RAD51B: variants seen among roughly 807,000 people sequenced by gnomAD.
RAD51B encodes RAD51 paralog B, also known as DNA repair protein RAD51 homolog 2.
RAD51B carries 38 observed loss-of-function variants against 42.2 expected under a neutral mutation model. The observed-to-expected ratio is 0.90, with a 90% CI of 0.70 to 1.18. The LOEUF (loss-of-function observed/expected upper bound fraction) is 1.18. Ranked by LOEUF, RAD51B falls within the 50% of genes most tolerant of loss-of-function variation. The probability of loss-of-function intolerance (pLI) is 0.00; values close to 1 mark genes in which losing one functional copy is unlikely to be tolerated. For synonymous variants in RAD51B, 154 were observed against 145.2 expected (o/e 1.06, Z -0.43); for missense variants, 373 against 400.7 (o/e 0.93, Z 0.59).
chr14:68,417,944 C>T (rs2140099338), intron 9 of RAD51B, among the ~76,000 whole-genome samples: 1 of 152,266 alleles, frequency 6.6e-6, no homozygotes, highest in South Asian at 2.1e-4. Flanking sequence ...GATGAAGGGT[C>T]CCCTTTCCCA....
intron 10 of RAD51B, among the ~76,000 whole-genome samples, chr14:68,509,552 C>G (rs1195772103): frequency 6.6e-6 from 1 of 152,188 alleles, no homozygotes; most frequent in African/African-American, 2.4e-5. Flanking sequence ...AAGATACTTT[C>G]CTGAAGAATG....
intron 10 of RAD51B, among the ~76,000 whole-genome samples, chr14:68,631,557 C>T (rs1325452245): frequency 6.6e-6 from 1 of 152,152 alleles, no homozygotes; most frequent in Non-Finnish European, 1.5e-5. Flanking sequence ...GCCCTCATGC[C>T]ACAAGGTTTT....
At chr14:68,057,113 A>G (rs2076489589) in intron 7 of RAD51B, among the ~76,000 whole-genome samples, 1 of 151,860 alleles carries the variant, frequency 6.6e-6, no homozygotes, top group Non-Finnish European at 1.5e-5. Context: ...ACAAAGGAAG[A>G]AGGAAATATT....
At chr14:68,029,245 C>T (rs370581672) in intron 7 of RAD51B, among the ~76,000 whole-genome samples, 2 of 152,192 alleles carry the variant, frequency 1.3e-5, no homozygotes, top group African/African-American at 4.8e-5. Context: ...TTTGGTCTCT[C>T]TTGTGGGGAG....
chr14:68,080,175 T>C (rs748576409), intron 7 of RAD51B, among the ~76,000 whole-genome samples: 1 of 152,200 alleles, frequency 6.6e-6, no homozygotes, highest in Non-Finnish European at 1.5e-5. Context: ...TGTCTTGATT[T>C]TCCCATTTGC....
chr14:68,083,348 T>C (rs1394978061), intron 7 of RAD51B, among the ~76,000 whole-genome samples: 3 of 152,192 alleles, frequency 2.0e-5, no homozygotes, highest in Non-Finnish European at 4.4e-5. Context: ...GATGCAATAA[T>C]CACACAACAA....
intron 9 of RAD51B, among the ~76,000 whole-genome samples, chr14:68,460,704 C>T (rs58650874): frequency 0.014 from 2,059 of 152,296 alleles, 46 homozygotes; most frequent in African/African-American, 0.047. Context: ...GCTCCTTTTC[C>T]ACTTTCTGAG....
intron 1 of RAD51B, among the ~76,000 whole-genome samples, chr14:67,822,841 G>A (rs573080986): frequency 2.9e-4 from 44 of 152,288 alleles, no homozygotes; most frequent in African/African-American, 1.1e-3. Flanking sequence ...AGTTAAATAT[G>A]ATTATGGACT....
chr14:68,638,906 G>C (rs1892398420), intron 10 of RAD51B, among the ~76,000 whole-genome samples: 1 of 152,144 alleles, frequency 6.6e-6, no homozygotes. Context: ...GATGCACGTC[G>C]GGTACTCAAA....
intron 8 of RAD51B, among the ~76,000 whole-genome samples, chr14:68,310,362 T>C (rs1165198350): frequency 1.3e-5 from 2 of 152,248 alleles, no homozygotes; most frequent in South Asian, 2.1e-4. Flanking sequence ...TCACCTGATA[T>C]GAATTTTCGA....
At chr14:67,987,475 C>T (rs73282497) in intron 7 of RAD51B, among the ~76,000 whole-genome samples, 1,609 of 152,156 alleles carry the variant, frequency 0.011, 29 homozygotes, top group African/African-American at 0.037. Flanking sequence ...ACATTGTAGC[C>T]TTTAGAGGCT....
chr14:68,364,875 C>T (rs1022478574), intron 8 of RAD51B, among the ~76,000 whole-genome samples: 1 of 152,176 alleles, frequency 6.6e-6, no homozygotes, highest in African/African-American at 2.4e-5. Context: ...GTTTTCCCTT[C>T]TGCCAGTTAC....
intron 7 of RAD51B, among the ~76,000 whole-genome samples, chr14:68,043,618 G>A (rs1475415049): frequency 6.6e-6 from 1 of 152,156 alleles, no homozygotes; most frequent in Non-Finnish European, 1.5e-5. Context: ...CTACAAAAGC[G>A]AACCAGACTA....
chr14:68,010,485 T>G (rs1263568502), intron 7 of RAD51B, among the ~76,000 whole-genome samples: 1 of 151,842 alleles, frequency 6.6e-6, no homozygotes, highest in Non-Finnish European at 1.5e-5. Context: ...ATTCATTTTA[T>G]TTATTCAGAC....
chr14:67,970,015 G>A (rs1292547391), intron 7 of RAD51B, among the ~76,000 whole-genome samples: 1 of 152,102 alleles, frequency 6.6e-6, no homozygotes, highest in East Asian at 1.9e-4. Context: ...CATATACCAC[G>A]AACAAAAGGT....
intron 7 of RAD51B, among the ~76,000 whole-genome samples, chr14:67,932,463 T>C (rs554838243): frequency 6.6e-6 from 1 of 152,226 alleles, no homozygotes; most frequent in Admixed American, 6.5e-5. Context: ...TGATCATACT[T>C]GTTCTTAGGC....
At chr14:68,405,223 C>T (rs993111661) in intron 8 of RAD51B, among the ~76,000 whole-genome samples, 1 of 152,114 alleles carries the variant, frequency 6.6e-6, no homozygotes, top group African/African-American at 2.4e-5. Context: ...GCACATAGTA[C>T]CTTAAAAAAT....
chr14:68,056,268 C>T (rs1449412489), intron 7 of RAD51B, among the ~76,000 whole-genome samples: 3 of 152,088 alleles, frequency 2.0e-5, no homozygotes, highest in African/African-American at 7.2e-5. Context: ...AAGTGATCCT[C>T]CCACCTCAGC....
At chr14:68,326,145 A>G (rs151179385) in intron 8 of RAD51B, among the ~76,000 whole-genome samples, 14,928 of 146,648 alleles carry the variant, frequency 0.1, 853 homozygotes, top group African/African-American at 0.15. Context: ...GGTTCAAGCA[A>G]TTCTCCTGTC....
Sources: allele counts gnomAD v4.1 joint callset (sites outside exome capture counted in the v4.1 genomes callset), GRCh38; gene constraint gnomAD v4.1.1; transcripts MANE v1.5; gene names NCBI Gene and HGNC (gene_info 2026-07-23, HGNC 2026-07-21).